Variants in ADCY2 observed in about 807,000 individuals in gnomAD.
ADCY2 encodes adenylate cyclase 2, also known as adenylate cyclase type 2.
ADCY2 carries 31 observed loss-of-function variants against 125.2 expected under a neutral mutation model. The observed-to-expected ratio is 0.25, with a 90% CI of 0.19 to 0.33. The LOEUF is 0.33. Ranked by LOEUF, ADCY2 falls within the 10% of genes least tolerant of loss-of-function variation. The pLI, the probability that ADCY2 is intolerant of heterozygous loss-of-function variation, is 1.00. For missense variants in ADCY2, 904 were observed against 1,418.2 expected (o/e 0.64, Z 5.82); for synonymous variants, 512 against 548.4 (o/e 0.93, Z 0.93).
chr5:7,761,148 CTTTTTTTTTT>C (rs367998018), intron 16 of ADCY2, among the ~76,000 whole-genome samples: 1 of 88,162 alleles, frequency 1.1e-5, no homozygotes, highest in African/African-American at 4.6e-5. Context: ...CTTTTCTTTT[CTTTTTTTTTT>C]TTTTTTTTTG....
chr5:7,522,897 G>T (rs1346310759), intron 3 of ADCY2, among the ~76,000 whole-genome samples: 1 of 150,242 alleles, frequency 6.7e-6, no homozygotes, highest in Non-Finnish European at 1.5e-5. Context: ...CTGCACTCCA[G>T]CCTGGGCGAC....
chr5:7,700,297 T>C (rs1741036072), intron 7 of ADCY2, among the ~76,000 whole-genome samples: 1 of 152,182 alleles, frequency 6.6e-6, no homozygotes, highest in Admixed American at 6.5e-5. Flanking sequence ...AGCTACAAAG[T>C]AAAAATATAA....
In ADCY2 at chr5:7,698,310, A is replaced by G; in HGVS notation, c.1045A>G (p.Ile349Val). 2.5e-6 allele frequency: 4 copies of G among 1,614,196 alleles called. 1 individual carries two copies. In the South Asian group the frequency reaches 3.3e-5, roughly 13 times the overall value. ...CTACTACTGTGTATCTGGACTCCCTATATCTCTCCCTAACCATGCCAAGAA... is the reference window on the plus strand; with the variant it reads ...CTACTACTGTGTATCTGGACTCCCTGTATCTCTCCCTAACCATGCCAAGAA... Reference protein sequence around the residue: ...DCYYCVSGLPISLPNHAKNCV... With the variant: ...DCYYCVSGLPVSLPNHAKNCV... Residue 349 changes from isoleucine to valine, a missense_variant, in exon 7 of 25, where the codon ATA (isoleucine) becomes GTA (valine). Physicochemically the swap from Ile to Val is conservative, Grantham distance 29. Coordinates refer to ENST00000338316, the MANE Select transcript of ADCY2 (RefSeq NM_020546.3).
In ADCY2 at chr5:7,414,686, C is replaced by T; in HGVS notation, c.324C>T (p.Leu108=). The part of the protein sequence containing the change: ...IESVFKKLLR[L]FSLVIWICLV... ...CTGTGTTTAAGAAGCTGCTGCGCCT[C>T]TTCTCGTTGGTGATATGGATATGCC... Residue 108 remains leucine, a synonymous_variant, in exon 2 of 25, where the codon CTC becomes CTT. Transcript: ENST00000338316. The T allele has an allele frequency of 1.2e-6, 2 of 1,613,982 alleles. No homozygotes were observed. Among genetic ancestry groups the T allele is most frequent in the East Asian group, 4.5e-5 (2 of 44,876 alleles).
chr5:7,807,306 G>A (rs1388512811), intron 22 of ADCY2, among the ~76,000 whole-genome samples: 4 of 152,140 alleles, frequency 2.6e-5, no homozygotes, highest in Non-Finnish European at 5.9e-5. Flanking sequence ...AGAGTCCATA[G>A]CCACTGCCTT....
At position 7,827,763 on chromosome 5, in the gene ADCY2, G is replaced by C. The variant is rs1000563322; in HGVS notation, c.*892G>C. The C allele has an allele frequency of 6.6e-6, 1 of 152,348 alleles. No homozygotes were observed. The highest frequency in any genetic ancestry group is 1.5e-5 in the Non-Finnish European group (1 of 68,046). The allele number at this position is 152,348 out of a possible 1,614,324, so 9.4% of individuals were successfully genotyped here. A position where few individuals can be genotyped will look rare whatever the true frequency, so the allele number is the denominator to read the frequency against. On this transcript the variant is annotated 3_prime_UTR_variant, in exon 25 of 25. Transcript: ENST00000338316. ...GCATGTTGAATGTATCTAGTGGTCTGATTTTAATTTGGGCATCTCTAGAGA... is the reference window on the plus strand; with the variant it reads ...GCATGTTGAATGTATCTAGTGGTCTCATTTTAATTTGGGCATCTCTAGAGA...
Position 7,820,704 on chromosome 5 carries a change from G to T in ADCY2, c.3123+15G>T. On this transcript the variant is annotated intron_variant, in intron 24 of 24. Coordinates refer to ENST00000338316, the MANE Select transcript of ADCY2 (RefSeq NM_020546.3). ...ACAAAATACAGGTAATGCAGAGTGT[G>T]GTCTGCGCTGCCTGCATCAACCATG... is the stretch of plus-strand genomic sequence containing the variant. 6.2e-7 allele frequency: 1 copy of T among 1,610,904 alleles called. No homozygotes were observed. The highest frequency in any genetic ancestry group is 2.2e-5 in the East Asian group (1 of 44,760).
At position 7,582,940 on chromosome 5, in the gene ADCY2, A is replaced by G. The variant is rs149557170; in HGVS notation, c.571-43227A>G. ...TCTTTTTCATAGATCAGTTATATAC[A>G]TAGAAAATTCTAAGAATTTGATTAA... On this transcript the variant is annotated intron_variant, in intron 3 of 24. Coordinates refer to ENST00000338316, the MANE Select transcript of ADCY2 (RefSeq NM_020546.3). Among the ~76,000 whole-genome samples the G allele has an allele frequency of 1.2e-3, 184 of 152,242 alleles. 1 individual carries two copies. The highest frequency in any genetic ancestry group is 4.2e-3 in the African/African-American group (175 of 41,586).
intron 3 of ADCY2, among the ~76,000 whole-genome samples, chr5:7,571,320 T>C (rs1472443349): frequency 6.6e-6 from 1 of 152,152 alleles, no homozygotes; most frequent in African/African-American, 2.4e-5. Flanking sequence ...AAGTCCTGTT[T>C]GTGTCCAAAA....
At chr5:7,513,106 C>CACACACACACACACACACAGAG (rs777343291) in intron 2 of ADCY2, among the ~76,000 whole-genome samples, 68 of 138,422 alleles carry the variant, frequency 4.9e-4, no homozygotes, top group Non-Finnish European at 8.8e-4. Flanking sequence ...CACACACACA[C>CACACACACACACACACACAGAG]AGAGAGAGAG....
intron 3 of ADCY2, among the ~76,000 whole-genome samples, chr5:7,539,071 C>T (rs898294059): frequency 6.6e-6 from 1 of 151,942 alleles, no homozygotes; most frequent in Non-Finnish European, 1.5e-5. Context: ...CCATGTTGGC[C>T]AGGCTGGTCT....
At chr5:7,573,660 C>T (rs531402523) in intron 3 of ADCY2, among the ~76,000 whole-genome samples, 2 of 129,634 alleles carry the variant, frequency 1.5e-5, no homozygotes, top group African/African-American at 6.0e-5. Flanking sequence ...AGTGACAGTA[C>T]AAAGCTTCCA....
chr5:7,544,217 C>T (rs1415923468), intron 3 of ADCY2, among the ~76,000 whole-genome samples: 1 of 152,054 alleles, frequency 6.6e-6, no homozygotes, highest in African/African-American at 2.4e-5. Context: ...CCAGCTGAGG[C>T]CAGCAGGCAG....
chr5:7,613,104 A>G (rs562385357), intron 3 of ADCY2, among the ~76,000 whole-genome samples: 1 of 152,082 alleles, frequency 6.6e-6, no homozygotes, highest in African/African-American at 2.4e-5. Flanking sequence ...ACATGTATAC[A>G]TATGTAACAA....
intron 18 of ADCY2, among the ~76,000 whole-genome samples, chr5:7,776,900 G>A (rs1046999064): frequency 2.0e-5 from 3 of 152,100 alleles, no homozygotes; most frequent in African/African-American, 4.8e-5. Flanking sequence ...AGGGTTCTTA[G>A]TACAGAAGGC....
intron 3 of ADCY2, among the ~76,000 whole-genome samples, chr5:7,578,970 A>G (rs1362955788): frequency 6.6e-6 from 1 of 152,226 alleles, no homozygotes; most frequent in African/African-American, 2.4e-5. Flanking sequence ...CCACTCAGAC[A>G]TATCTCCTAT....
At chr5:7,412,074 CA>C (rs35911952) in intron 1 of ADCY2, among the ~76,000 whole-genome samples, 209 of 137,806 alleles carry the variant, frequency 1.5e-3, no homozygotes, top group Middle Eastern at 7.7e-3. Context: ...GACTCCGTCT[CA>C]AAAAAAAAAA....
At chr5:7,789,494 C>A in intron 19 of ADCY2, 148 bp from the exon 20 acceptor site, 1 of 698,694 alleles carries the variant, frequency 1.4e-6, no homozygotes, top group South Asian at 2.1e-5. Flanking sequence ...TTCAGGGACA[C>A]AGAGGGCTTT....
At chr5:7,808,775 G>A (rs1289333395) in intron 22 of ADCY2, among the ~76,000 whole-genome samples, 3 of 151,940 alleles carry the variant, frequency 2.0e-5, no homozygotes, top group Non-Finnish European at 4.4e-5. Context: ...TTCATTCATC[G>A]CTGCTCCCAG....
Sources: allele counts gnomAD v4.1 joint callset (sites outside exome capture counted in the v4.1 genomes callset), GRCh38; gene constraint gnomAD v4.1.1; transcripts MANE v1.5; gene names NCBI Gene and HGNC (gene_info 2026-07-23, HGNC 2026-07-21).